SUPT20H: variants seen among roughly 807,000 people sequenced by gnomAD.
The protein encoded by SUPT20H is transcription factor SPT20 homolog.
SUPT20H carries 82 observed loss-of-function variants against 122.8 expected under a neutral mutation model. The observed-to-expected ratio is 0.67, with a 90% CI of 0.56 to 0.80. SUPT20H has a LOEUF of 0.80. Among genes scored for constraint, SUPT20H ranks in the 30% least tolerant of loss-of-function variants. SUPT20H has a pLI of 0.00. For synonymous variants in SUPT20H, 291 were observed against 313.0 expected (o/e 0.93, Z 0.74); for missense variants, 831 against 921.6 (o/e 0.90, Z 1.27).
intron 1 of SUPT20H, among the ~76,000 whole-genome samples, chr13:37,052,899 T>C (rs2068060873): frequency 6.6e-6 from 1 of 152,204 alleles, no homozygotes; most frequent in Non-Finnish European, 1.5e-5. Flanking sequence ...AGAAGACATT[T>C]ATGCGGCCAA....
At chr13:37,023,667 A>C (rs2061730538) in intron 19 of SUPT20H, 1 of 158,668 alleles carries the variant, frequency 6.3e-6, no homozygotes, top group Non-Finnish European at 1.4e-5. Flanking sequence ...CATTTTTTTC[A>C]TATCAGCCAC....
At position 37,058,684 on chromosome 13, in the gene SUPT20H, T is replaced by C. The variant is rs7981681; in HGVS notation, c.-94+875A>G. Among the ~76,000 whole-genome samples, 768 of 152,250 alleles carry C rather than the reference T, an allele frequency of 5.0e-3. 6 individuals are homozygous for C. The highest frequency in any genetic ancestry group is 0.018 in the African/African-American group (733 of 41,530). On this transcript the variant is annotated intron_variant, in intron 1 of 25. Transcript: ENST00000350612. The stretch of plus-strand genomic sequence containing the variant: ...AATAAGGCAATCAGAACAACTGACT[T>C]TCCTAACATCACAGACCTAGATCAG...
At chr13:37,009,928 A>C in intron 25 of SUPT20H, 119 bp from the exon 26 acceptor site, 1 of 1,375,382 alleles carries the variant, frequency 7.3e-7, no homozygotes, top group African/African-American at 1.4e-5. Flanking sequence ...AGATAACAAA[A>C]AGGGACTATA....
intron 20 of SUPT20H, 147 bp from the exon 21 acceptor site, chr13:37,021,749 T>TA: frequency 9.1e-7 from 1 of 1,104,728 alleles, no homozygotes; most frequent in East Asian, 2.7e-5. Flanking sequence ...ATGCAGAAGA[T>TA]AAATAGGAAA....
intron 9 of SUPT20H, chr13:37,039,609 T>A (rs374859065): frequency 6.6e-6 from 1 of 152,016 alleles, no homozygotes; most frequent in African/African-American, 2.4e-5. Context: ...ATTCCTCTCA[T>A]CAAAAAAGAG....
At chr13:37,021,953 T>C (rs2061511388) in intron 20 of SUPT20H, 58 bp downstream of exon 20, 2 of 1,499,666 alleles carry the variant, frequency 1.3e-6, no homozygotes, top group South Asian at 1.4e-5. Flanking sequence ...TAAGAATTTA[T>C]TTAGATTGGT....
chr13:37,033,244 T>C (rs944678547), intron 10 of SUPT20H, among the ~76,000 whole-genome samples: 1 of 151,888 alleles, frequency 6.6e-6, no homozygotes, highest in Non-Finnish European at 1.5e-5. Flanking sequence ...GTCATGCTTA[T>C]ATTCCCAGCT....
Position 37,047,955 on chromosome 13 carries a change from T to G in SUPT20H, c.40-19A>C, listed in dbSNP as rs1416148655. 2.5e-6 allele frequency: 4 copies of G among 1,593,040 alleles called. No individual in the cohort carries two copies. Among genetic ancestry groups the G allele is most frequent in the Non-Finnish European group, 3.4e-6 (4 of 1,169,550 alleles). On this transcript the variant is annotated intron_variant, in intron 3 of 25. Transcript: ENST00000350612. The stretch of plus-strand genomic sequence containing the variant: ...TGACATACTAAAAAACAAAAGTTTA[T>G]GAGAACAGCTTGCTTTTTGCTTTTG...
chr13:37,051,441 G>C, intron 2 of SUPT20H, 47 bp downstream of exon 2: 1 of 1,567,334 alleles, frequency 6.4e-7, no homozygotes, highest in Non-Finnish European at 8.8e-7. Context: ...GATGAAGGAA[G>C]AGAACATTCT....
Position 37,044,077 on chromosome 13 carries a change from C to T in SUPT20H, c.396+1G>A, listed in dbSNP as rs369608274. 6.2e-7 allele frequency: 1 copy of T among 1,604,462 alleles called. No individual in the cohort carries two copies. Among genetic ancestry groups the T allele is most frequent in the Non-Finnish European group, 8.5e-7 (1 of 1,174,958 alleles). ...ACATTTTAAAGACAAAAATTTTGTA[C>T]CTGAGATTTTTCTAGGAGATCAACC... On this transcript the variant is annotated splice_donor_variant, in intron 7 of 25. Transcript: ENST00000350612. LOFTEE classifies it high-confidence loss of function.
intron 23 of SUPT20H, chr13:37,013,309 C>T (rs1195114698): frequency 1.3e-5 from 2 of 152,010 alleles, no homozygotes; most frequent in African/African-American, 2.4e-5. Flanking sequence ...ATAGACCCAA[C>T]TGACTTTTAA....
In SUPT20H at chr13:37,048,584, G is replaced by T. The variant is rs1409516918; in HGVS notation, c.19C>A (p.Leu7Ile). The T allele has an allele frequency of 1.3e-6, 2 of 1,599,270 alleles. No individual in the cohort carries two copies. Among genetic ancestry groups the T allele is most frequent in the Non-Finnish European group, 1.7e-6 (2 of 1,173,838 alleles). The change falls in exon 3 of 26, where the codon CTA (leucine) becomes ATA (isoleucine). Residue 7 changes from leucine (L) to isoleucine (I), a missense_variant. Coordinates refer to ENST00000350612, the MANE Select transcript of SUPT20H (RefSeq NM_001014286.3). MQQALE[L>I]ALDRAEYVIE... ...CTCACCTCTGCACGATCCAAAGCTA[G>T]TTCTAAAGCTTGTTGCTGTAAAAAG...
In SUPT20H at chr13:37,010,591, C is replaced by A; in HGVS notation, c.2163G>T (p.Gln721His). 6.2e-7 allele frequency: 1 copy of A among 1,613,862 alleles called. No individual in the cohort carries two copies. Among genetic ancestry groups the A allele is most frequent in the Non-Finnish European group, 8.5e-7 (1 of 1,179,898 alleles). Residue 721 changes from glutamine to histidine, a missense_variant, in exon 25 of 26, where the codon CAG becomes CAT. By Grantham distance (24) the Gln-to-His change is conservative. Transcript: ENST00000350612. Reference sequence around the variant, plus strand: ...GCTGCTGTTGAAAGGCAGAGGAGAGCTGGAATCTCTGCTGAGGAAGGCTTT... The same window carrying A: ...GCTGCTGTTGAAAGGCAGAGGAGAGATGGAATCTCTGCTGAGGAAGGCTTT... The part of the protein sequence containing the change: ...PEQSLPQQRF[Q>H]LSSAFQQQQQ...
At chr13:37,032,970 T>C (rs575753232) in intron 10 of SUPT20H, among the ~76,000 whole-genome samples, 18 of 152,192 alleles carry the variant, frequency 1.2e-4, no homozygotes, top group Admixed American at 3.3e-4. Context: ...TAACAACAAT[T>C]AAATCAGTCA....
At position 37,024,017 on chromosome 13, in the gene SUPT20H, A is replaced by C; in HGVS notation, c.1591+18T>G. On this transcript the variant is annotated intron_variant, in intron 19 of 25. Coordinates refer to ENST00000350612, the MANE Select transcript of SUPT20H (RefSeq NM_001014286.3). Reference sequence around the variant, plus strand: ...AAAGCTTATGAAGATTTAATGAAGAATTTAAGTTATGACTCACTTTGTGAT... The same window carrying C: ...AAAGCTTATGAAGATTTAATGAAGACTTTAAGTTATGACTCACTTTGTGAT... 1 of 1,588,638 alleles carries C rather than the reference A, an allele frequency of 6.3e-7. No homozygotes were observed. The highest frequency in any genetic ancestry group is 1.2e-5 in the South Asian group (1 of 86,600).
intron 1 of SUPT20H, among the ~76,000 whole-genome samples, chr13:37,051,860 G>GA (rs1020919798): frequency 2.6e-5 from 4 of 151,906 alleles, no homozygotes; most frequent in Admixed American, 1.3e-4. Flanking sequence ...TCTCCAGAGA[G>GA]AAAAAAAATA....
rs183000313 is a variant in SUPT20H, at chr13:37,032,433, T to C, written c.708-538A>G. Reference sequence around the variant, plus strand: ...AAACAGAAAAATCAACGATTCTTCTTAGATCCATCAAAGAGATGTGGTCAC... The same window carrying C: ...AAACAGAAAAATCAACGATTCTTCTCAGATCCATCAAAGAGATGTGGTCAC... On this transcript the variant is annotated intron_variant, in intron 10 of 25. Coordinates refer to ENST00000350612, the MANE Select transcript of SUPT20H (RefSeq NM_001014286.3). 8.3e-3 allele frequency among the ~76,000 whole-genome samples: 1,262 copies of C among 152,280 alleles called. 11 individuals are homozygous for C. Among genetic ancestry groups the C allele is most frequent in the South Asian group, 0.031 (152 of 4,826 alleles).
intron 9 of SUPT20H, among the ~76,000 whole-genome samples, chr13:37,037,777 A>G (rs1350715904): frequency 6.6e-6 from 1 of 152,238 alleles, no homozygotes; most frequent in Non-Finnish European, 1.5e-5. Flanking sequence ...CTATTATCAC[A>G]TAACATATTT....
At position 37,056,630 on chromosome 13, in the gene SUPT20H, G is replaced by A. The variant is rs370592713; in HGVS notation, c.-94+2929C>T. ...GGGCCTGTTTTGGGGTGGGAGGAGG[G>A]GGGAGGGATAGCATGAGGAGATATA... On this transcript the variant is annotated intron_variant, in intron 1 of 25. Coordinates refer to ENST00000350612, the MANE Select transcript of SUPT20H (RefSeq NM_001014286.3). Among the ~76,000 whole-genome samples, 10 of 152,108 alleles carry A rather than the reference G, an allele frequency of 6.6e-5. 1 individual carries two copies. The highest frequency in any genetic ancestry group is 4.1e-4 in the South Asian group (2 of 4,826).
Sources: gnomAD v4.1 joint callset for allele counts (sites outside exome capture counted in the v4.1 genomes callset) on GRCh38, gnomAD v4.1.1 for gene constraint, MANE v1.5 for transcripts, NCBI Gene and HGNC (gene_info 2026-07-23, HGNC 2026-07-21) for gene names.